ARHGAP26: variants seen among roughly 807,000 people sequenced by gnomAD.
ARHGAP26 encodes the protein rho GTPase-activating protein 26.
ARHGAP26 carries 38 observed loss-of-function variants against 104.8 expected under a neutral mutation model. The observed-to-expected ratio is 0.36, with a 90% CI of 0.28 to 0.48. ARHGAP26 has a LOEUF of 0.48. Among genes scored for constraint, ARHGAP26 ranks in the 20% least tolerant of loss-of-function variants. The probability of loss-of-function intolerance (pLI) is 0.99; values close to 1 mark genes in which losing one functional copy is unlikely to be tolerated. For synonymous variants in ARHGAP26, 341 were observed against 340.0 expected, an observed-to-expected ratio of 1.00 and a Z score of -0.03; for missense variants, 704 against 947.9, an observed-to-expected ratio of 0.74 and a Z score of 3.38.
chr5:142,817,580 C>T (rs576915566), intron 1 of ARHGAP26, among the ~76,000 whole-genome samples: 28 of 152,248 alleles, frequency 1.8e-4, no homozygotes, highest in African/African-American at 6.3e-4. Flanking sequence ...GCCTCGATTT[C>T]AGCCTGCCAT....
chr5:142,970,978 GT>G (rs1772179468), intron 11 of ARHGAP26, among the ~76,000 whole-genome samples: 1 of 152,276 alleles, frequency 6.6e-6, no homozygotes, highest in East Asian at 1.9e-4. Context: ...GATTGTGTTA[GT>G]TTAAATTCTG....
At chr5:142,920,985 T>C (rs2152504037) in intron 10 of ARHGAP26, among the ~76,000 whole-genome samples, 1 of 152,340 alleles carries the variant, frequency 6.6e-6, no homozygotes, top group African/African-American at 2.4e-5. Context: ...TACTACATGC[T>C]AGAGACTACT....
intron 20 of ARHGAP26, chr5:143,166,168 A>G: frequency 8.8e-6 from 10 of 1,136,636 alleles, no homozygotes; most frequent in Middle Eastern, 5.5e-4. Flanking sequence ...CCTTCCCCTA[A>G]CTCATCTAGA....
intron 1 of ARHGAP26, among the ~76,000 whole-genome samples, chr5:142,850,313 A>G (rs1751264416): frequency 6.6e-6 from 1 of 152,144 alleles, no homozygotes; most frequent in Non-Finnish European, 1.5e-5. Context: ...CCTTCCTTAG[A>G]GGAACATCAT....
At chr5:142,894,053 T>C (rs146070333) in intron 5 of ARHGAP26, among the ~76,000 whole-genome samples, 185 bp from the exon 6 acceptor site, 1 of 152,290 alleles carries the variant, frequency 6.6e-6, no homozygotes, top group African/African-American at 2.4e-5. Flanking sequence ...TTAAGTTGTA[T>C]AATATGATGT....
chr5:142,868,629 A>G (rs1754741218), intron 1 of ARHGAP26, among the ~76,000 whole-genome samples: 1 of 152,160 alleles, frequency 6.6e-6, no homozygotes, highest in Non-Finnish European at 1.5e-5. Context: ...GATGACATGT[A>G]CTGGTGACTT....
In ARHGAP26 at chr5:143,075,216, A is replaced by G. The variant is rs542230914; in HGVS notation, c.1538+17469A>G. ...GCCTTTAACATTTCAATTGCACATT[A>G]AAAATATTCCTCTATTATAGGGTCA... On this transcript the variant is annotated intron_variant, in intron 17 of 22. Transcript: ENST00000645722. Among the ~76,000 whole-genome samples, 10 of 152,274 alleles carry G rather than the reference A, an allele frequency of 6.6e-5. No homozygotes were observed. The East Asian group carries it at 1.2e-3, about 18-fold the overall frequency.
chr5:143,057,195 A>G lies in ARHGAP26; in HGVS notation c.1433-447A>G, dbSNP rs527387947. Among the ~76,000 whole-genome samples the G allele has an allele frequency of 2.0e-5, 3 of 152,312 alleles. No homozygotes were observed. In the East Asian group the frequency reaches 5.8e-4, roughly 29 times the overall value. On this transcript the variant is annotated intron_variant, in intron 16 of 22. Transcript: ENST00000645722. ...GAGGATACTGGACATTTCCTTTGAT[A>G]TCTTTGATGCTGTCTCAAGGTGTTA...
At chr5:143,150,291 C>G (rs745876748) in intron 20 of ARHGAP26, among the ~76,000 whole-genome samples, 1 of 152,152 alleles carries the variant, frequency 6.6e-6, no homozygotes, top group Non-Finnish European at 1.5e-5. Context: ...TGGGGTAAAC[C>G]GGAATAAGAG....
chr5:142,971,664 T>C (rs767799889), intron 11 of ARHGAP26, among the ~76,000 whole-genome samples: 9 of 152,170 alleles, frequency 5.9e-5, no homozygotes, highest in Non-Finnish European at 1.3e-4. Context: ...CAAAAAAGTC[T>C]CGTGTATTGT....
At chr5:143,163,500 G>C (rs62376070) in intron 20 of ARHGAP26, among the ~76,000 whole-genome samples, 23,057 of 151,006 alleles carry the variant, frequency 0.15, 2,191 homozygotes, top group Non-Finnish European at 0.22. Context: ...GCCCAGGCTC[G>C]AGTGCAATGG....
At chr5:143,023,111 C>G (rs956117304) in intron 12 of ARHGAP26, among the ~76,000 whole-genome samples, 1 of 152,214 alleles carries the variant, frequency 6.6e-6, no homozygotes, top group Non-Finnish European at 1.5e-5. Context: ...TAGTGTGGCC[C>G]ACCACTCTCC....
intron 22 of ARHGAP26, among the ~76,000 whole-genome samples, chr5:143,215,209 A>G (rs1369817956): frequency 6.6e-6 from 1 of 152,246 alleles, no homozygotes; most frequent in Non-Finnish European, 1.5e-5. Flanking sequence ...TTCTGCCTAT[A>G]GAAGAGCAGG....
chr5:142,940,243 G>A (rs888851477), intron 11 of ARHGAP26, among the ~76,000 whole-genome samples: 5 of 152,166 alleles, frequency 3.3e-5, no homozygotes, highest in Non-Finnish European at 5.9e-5. Context: ...TAGTTAGGAA[G>A]GTATGGGGTG....
At chr5:143,067,021 T>TC (rs1412294497) in intron 17 of ARHGAP26, among the ~76,000 whole-genome samples, 1 of 149,256 alleles carries the variant, frequency 6.7e-6, no homozygotes, top group African/African-American at 2.5e-5. Flanking sequence ...TACCTCCCCC[T>TC]CCCCCTCCTC....
chr5:142,879,844 G>A (rs990045028), intron 4 of ARHGAP26, among the ~76,000 whole-genome samples: 7 of 152,204 alleles, frequency 4.6e-5, no homozygotes, highest in African/African-American at 1.7e-4. Context: ...AGCCTAAGCA[G>A]GGGTTACAAA....
intron 11 of ARHGAP26, among the ~76,000 whole-genome samples, chr5:142,980,496 C>G (rs1345031526): frequency 2.6e-5 from 4 of 151,936 alleles, no homozygotes; most frequent in Non-Finnish European, 5.9e-5. Context: ...TTAAGCAATT[C>G]TCCTACCTCA....
chr5:142,788,475 C>A (rs556517277), intron 1 of ARHGAP26, among the ~76,000 whole-genome samples: 5 of 152,222 alleles, frequency 3.3e-5, no homozygotes, highest in African/African-American at 1.2e-4. Flanking sequence ...TTTATTTGAA[C>A]CATACTAATA....
chr5:143,088,782 T>C lies in ARHGAP26; in HGVS notation c.1538+31035T>C, dbSNP rs574801353. ...GACATATGTGATCCCTGCCGCTGTG[T>C]CGTTCCCCTATTGGCTAGGGTTAGA... On this transcript the variant is annotated intron_variant, in intron 17 of 22. Coordinates refer to ENST00000645722, the MANE Select transcript of ARHGAP26 (RefSeq NM_001135608.3). Among the ~76,000 whole-genome samples the C allele has an allele frequency of 5.3e-5, 8 of 152,340 alleles. No individual in the cohort carries two copies. In the South Asian group the frequency reaches 1.7e-3, roughly 32 times the overall value.
Sources: gnomAD v4.1 joint callset for allele counts (sites outside exome capture counted in the v4.1 genomes callset) on GRCh38, gnomAD v4.1.1 for gene constraint, MANE v1.5 for transcripts, NCBI Gene and HGNC (gene_info 2026-07-23, HGNC 2026-07-21) for gene names.